Variants in WT1 observed in about 807,000 individuals in gnomAD.
The protein encoded by WT1 is WT1 transcription factor.
In WT1, 8 loss-of-function variants were observed where a neutral mutation model predicts 60.8. The ratio of observed to expected loss-of-function variants is 0.13; its 90% confidence interval spans 0.08 to 0.24. The LOEUF (loss-of-function observed/expected upper bound fraction) is 0.24. WT1 is among the 10% of genes least tolerant of loss of function. The pLI is 1.00. For missense variants in WT1, 568 were observed against 711.8 expected (o/e 0.80, Z 2.30); for synonymous variants, 312 against 297.1 (o/e 1.05, Z -0.52).
chr11:32,421,125 G>A (rs1444431530), intron 3 of WT1, among the ~76,000 whole-genome samples: 5 of 152,168 alleles, frequency 3.3e-5, no homozygotes, highest in Admixed American at 6.5e-5. Flanking sequence ...CTGGGGAGGG[G>A]ACAAAAATGT....
intron 1 of WT1, chr11:32,430,449 AGG>A (rs367798911): frequency 4.3e-4 from 512 of 1,198,538 alleles, no homozygotes; most frequent in East Asian, 1.0e-3. Flanking sequence ...AGAGAGAGAG[AGG>A]GAGGGAGAGA....
chr11:32,427,904 C>G, intron 3 of WT1, 52 bp downstream of exon 3: 2 of 1,537,828 alleles, frequency 1.3e-6, no homozygotes, highest in East Asian at 2.3e-5. Flanking sequence ...CCGGCTCATG[C>G]GTCCCCTCCG....
At chr11:32,409,496 T>C (rs1852428100) in intron 5 of WT1, among the ~76,000 whole-genome samples, 1 of 152,172 alleles carries the variant, frequency 6.6e-6, no homozygotes, top group Non-Finnish European at 1.5e-5. Context: ...ATGGTCTCTG[T>C]TGCCCAGGCT....
rs58549495 is a variant in WT1, at chr11:32,388,003, AACACACACACACAC to A, written c.*1041_*1054del. On this transcript the variant is annotated 3_prime_UTR_variant, in exon 10 of 10. Coordinates refer to ENST00000452863, the MANE Select transcript of WT1 (RefSeq NM_024426.6). ...TCCCTTAAAAAACAAAACACAACAC[AACACACACACACAC>A]ACACACACACACACACACACGACCA... The A allele has an allele frequency of 1.3e-5, 3 of 229,206 alleles. No homozygotes were observed. The highest frequency in any genetic ancestry group is 6.1e-5 in the East Asian group (1 of 16,466). The allele number at this position is 229,206 out of a possible 1,614,324, so 14.2% of individuals were successfully genotyped here.
chr11:32,417,147 A>G (rs1222927781), intron 4 of WT1, among the ~76,000 whole-genome samples: 1 of 152,148 alleles, frequency 6.6e-6, no homozygotes, highest in Non-Finnish European at 1.5e-5. Flanking sequence ...GCAATCAGGT[A>G]TGGGCGTATC....
chr11:32,432,297 A>AT (rs1374093723), intron 1 of WT1, among the ~76,000 whole-genome samples: 1 of 151,900 alleles, frequency 6.6e-6, no homozygotes, highest in Non-Finnish European at 1.5e-5. Context: ...CCATTTCCAC[A>AT]TTTTTGAGAG....
chr11:32,428,551 A>T lies in WT1; in HGVS notation c.730T>A (p.Phe244Ile), dbSNP rs771455202. The T allele has an allele frequency of 1.2e-5, 20 of 1,613,956 alleles. No individual in the cohort carries two copies. The change falls in exon 2 of 10, where the codon TTC becomes ATC. Residue 244 changes from phenylalanine to isoleucine, a missense_variant. Physicochemically the swap from Phe to Ile is conservative, Grantham distance 21 (BLOSUM62 0). This residue lies in a region of WT1 where 523 missense variants were observed against 565.1 expected (regional missense o/e 0.93). Transcript: ENST00000452863. ...TCATGCTTGAATGAGTGGTTGGGGA[A>T]CTGCGCCGCATGGTGCGAGGGCGTG... is the stretch of plus-strand genomic sequence containing the variant.
chr11:32,414,380 C>T (rs968592763), intron 5 of WT1, among the ~76,000 whole-genome samples: 8 of 152,178 alleles, frequency 5.3e-5, no homozygotes, highest in African/African-American at 9.6e-5. Context: ...TCAAGCAATC[C>T]GCCCACCTCA....
intron 4 of WT1, among the ~76,000 whole-genome samples, chr11:32,416,931 T>C (rs5030207): frequency 0.35 from 52,986 of 152,042 alleles, 10,824 homozygotes; most frequent in East Asian, 0.72. Flanking sequence ...AGGCACTTCA[T>C]GAGTGTTCTA....
chr11:32,403,407 C>A (rs1852214398), intron 5 of WT1, among the ~76,000 whole-genome samples: 1 of 152,140 alleles, frequency 6.6e-6, no homozygotes, highest in Non-Finnish European at 1.5e-5. Flanking sequence ...TCTACACCAA[C>A]CCCCATTTGG....
intron 9 of WT1, among the ~76,000 whole-genome samples, chr11:32,391,647 G>A (rs986178158): frequency 2.0e-5 from 3 of 152,188 alleles, no homozygotes; most frequent in Non-Finnish European, 4.4e-5. Flanking sequence ...TTTCTGTAAA[G>A]TTGATTATCG....
rs146635660 is a variant in WT1 at position 32,394,920 on chromosome 11, T to G, written c.1264+1337A>C. ...ATTGCCTTCATTTATTCCCTTGCAT[T>G]TTTCAGGCAGGACTTTACTTTCTCG... On this transcript the variant is annotated intron_variant, in intron 7 of 9. Transcript: ENST00000452863. Among the ~76,000 whole-genome samples, 10 of 152,356 alleles carry G rather than the reference T, an allele frequency of 6.6e-5. No homozygotes were observed. The East Asian group carries it at 1.9e-3, about 29-fold the overall frequency.
At chr11:32,410,930 T>C (rs1354293523) in intron 5 of WT1, among the ~76,000 whole-genome samples, 1 of 152,196 alleles carries the variant, frequency 6.6e-6, no homozygotes, top group Non-Finnish European at 1.5e-5. Context: ...TTATGATCTT[T>C]TCTTGGGCAG....
chr11:32,394,037 C>T (rs1033513405), intron 7 of WT1, among the ~76,000 whole-genome samples: 6 of 152,174 alleles, frequency 3.9e-5, no homozygotes, highest in Non-Finnish European at 4.4e-5. Context: ...GGACTACAGG[C>T]ATACACCAGC....
Position 32,434,742 on chromosome 11 carries a change from G to A in WT1, c.619C>T (p.Leu207=), listed in dbSNP as rs1060504180. The A allele has an allele frequency of 2.5e-6, 4 of 1,612,994 alleles. No homozygotes were observed. The highest frequency in any genetic ancestry group is 1.7e-5 in the Admixed American group (1 of 60,016). ...GGCTGGCTCTCGAGGCAGCTGGGCA[G>A]GTAGGGCGCGTTAGGAAACATCCTG... The change falls in exon 1 of 10, where the codon CTG becomes TTG. Residue 207 remains leucine (L), a synonymous_variant. Transcript: ENST00000452863.
In WT1 at chr11:32,415,222, T is replaced by A. The variant is rs1198534829; in HGVS notation, c.1016+1268A>T. 2.0e-5 allele frequency among the ~76,000 whole-genome samples: 3 copies of A among 152,308 alleles called. No individual in the cohort carries two copies. In the South Asian group the frequency reaches 6.2e-4, roughly 32 times the overall value. On this transcript the variant is annotated intron_variant, in intron 5 of 9. Coordinates refer to ENST00000452863, the MANE Select transcript of WT1 (RefSeq NM_024426.6). The stretch of plus-strand genomic sequence containing the variant: ...CTGAAATGTACTGCTCACTTCACAA[T>A]CATGTTCTGTCTATCCTTGCTATTT...
intron 5 of WT1, among the ~76,000 whole-genome samples, chr11:32,407,033 A>G (rs1418718136): frequency 1.3e-5 from 2 of 152,140 alleles, no homozygotes; most frequent in Non-Finnish European, 2.9e-5. Flanking sequence ...CGGGAGGCAG[A>G]GTTTGCAGTG....
At chr11:32,428,114 A>C in intron 2 of WT1, 56 bp from the exon 3 acceptor site, 9 of 1,479,058 alleles carry the variant, frequency 6.1e-6, no homozygotes, top group Non-Finnish European at 8.3e-6. Flanking sequence ...TCGGGGTGCG[A>C]GGCTGCGGGC....
At chr11:32,410,234 T>G (rs891489816) in intron 5 of WT1, among the ~76,000 whole-genome samples, 1 of 152,142 alleles carries the variant, frequency 6.6e-6, no homozygotes, top group African/African-American at 2.4e-5. Context: ...CCTGCCCCAT[T>G]TTTTCCTCCT....
Sources: allele counts gnomAD v4.1 joint callset (sites outside exome capture counted in the v4.1 genomes callset), GRCh38; gene constraint gnomAD v4.1.1; regional missense constraint gnomAD v4.1.1; transcripts MANE v1.5; gene names NCBI Gene and HGNC (gene_info 2026-07-23, HGNC 2026-07-21).